Variants in RAP1GAP2 observed in about 807,000 individuals in gnomAD.
The protein encoded by RAP1GAP2 is RAP1 GTPase activating protein 2, also known as rap1 GTPase-activating protein 2.
RAP1GAP2 carries 27 observed loss-of-function variants against 95.0 expected under a neutral mutation model. The observed-to-expected ratio is 0.28, with a 90% CI of 0.21 to 0.39. The LOEUF (loss-of-function observed/expected upper bound fraction) is 0.39, where lower values mean the gene tolerates loss of function less well. Among genes scored for constraint, RAP1GAP2 ranks in the 10% least tolerant of loss-of-function variants. RAP1GAP2 has a pLI of 1.00. For missense variants in RAP1GAP2, 771 were observed against 970.0 expected, an observed-to-expected ratio of 0.79 and a Z score of 2.72; for synonymous variants, 373 against 380.9, an observed-to-expected ratio of 0.98 and a Z score of 0.24.
rs371273130 is a variant in RAP1GAP2 at position 2,930,056 on chromosome 17, T to A, written c.165+24688T>A. Among the ~76,000 whole-genome samples, 77 of 152,354 alleles carry A rather than the reference T, an allele frequency of 5.1e-4. 3 individuals are homozygous for A. The South Asian group carries it at 0.016, about 32-fold the overall frequency. ...TGCCTTGGGGCCATGGTGTGTCACC[T>A]GCCCTGTGTGGCTCTGAAAGGCTCC... On this transcript the variant is annotated intron_variant, in intron 3 of 24. Transcript: ENST00000254695.
intron 2 of RAP1GAP2, among the ~76,000 whole-genome samples, chr17:2,832,721 A>G (rs908112562): frequency 3.9e-5 from 6 of 151,976 alleles, no homozygotes; most frequent in Non-Finnish European, 8.8e-5. Flanking sequence ...TCACTCCTGT[A>G]ATCCCAGCAC....
Position 2,869,332 on chromosome 17 carries a change from A to G in RAP1GAP2, c.81-35952A>G, listed in dbSNP as rs549317508. ...AGAGAATTTTTGTTGAATGTGTACA[A>G]AGTTCCTGTTCGGGATGATGATAAA... On this transcript the variant is annotated intron_variant, in intron 2 of 24. Transcript: ENST00000254695. Among the ~76,000 whole-genome samples the G allele has an allele frequency of 1.1e-4, 17 of 152,034 alleles. No individual in the cohort carries two copies. In the South Asian group the frequency reaches 3.3e-3, roughly 30 times the overall value.
At chr17:2,890,434 G>T (rs1375509108) in intron 2 of RAP1GAP2, among the ~76,000 whole-genome samples, 1 of 152,148 alleles carries the variant, frequency 6.6e-6, no homozygotes, top group Non-Finnish European at 1.5e-5. Flanking sequence ...CACAGTCTTA[G>T]AGCGGAGTGG....
intron 2 of RAP1GAP2, among the ~76,000 whole-genome samples, chr17:2,828,011 G>A (rs1473552161): frequency 5.3e-5 from 8 of 152,206 alleles, no homozygotes; most frequent in East Asian, 1.9e-4. Flanking sequence ...GAGATGAGCC[G>A]AGCACTTGAC....
chr17:2,911,057 A>G, intron 3 of RAP1GAP2, among the ~76,000 whole-genome samples: 1 of 152,064 alleles, frequency 6.6e-6, no homozygotes, highest in East Asian at 1.9e-4. Context: ...GGCTCATCTC[A>G]TGCTTGCTCA....
chr17:2,870,897 A>G lies in RAP1GAP2; in HGVS notation c.81-34387A>G, dbSNP rs907859756. Among the ~76,000 whole-genome samples, 1 of 152,146 alleles carries G rather than the reference A, an allele frequency of 6.6e-6. No individual in the cohort carries two copies. The highest frequency in any genetic ancestry group is 2.4e-5 in the African/African-American group (1 of 41,438). On this transcript the variant is annotated intron_variant, in intron 2 of 24. Coordinates refer to ENST00000254695, the MANE Select transcript of RAP1GAP2 (RefSeq NM_015085.5). This position sits in a 1 kb window ranked among gnomAD's most constrained non-coding sequence, Gnocchi z 4.4. ...TCATTCTCTTGGGCCATCTGTCTCCATGATGTTGGATCCATGGTTGTAGAT... is the reference window on the plus strand; with the variant it reads ...TCATTCTCTTGGGCCATCTGTCTCCGTGATGTTGGATCCATGGTTGTAGAT...
At chr17:2,765,450 A>G (rs906350871) in intron 1 of RAP1GAP2, among the ~76,000 whole-genome samples, 4 of 152,004 alleles carry the variant, frequency 2.6e-5, no homozygotes, top group Non-Finnish European at 5.9e-5. Context: ...CCCTGTTTCT[A>G]AAAAACAGAG....
chr17:2,836,631 CAAAAA>C (rs917087950), intron 2 of RAP1GAP2, among the ~76,000 whole-genome samples: 5 of 147,328 alleles, frequency 3.4e-5, no homozygotes, highest in African/African-American at 1.2e-4. Context: ...GACTCAGTCT[CAAAAA>C]CAAAACAAAA....
chr17:2,900,728 C>T (rs1164879806), intron 2 of RAP1GAP2, among the ~76,000 whole-genome samples: 4 of 150,554 alleles, frequency 2.7e-5, no homozygotes, highest in Non-Finnish European at 5.9e-5. Flanking sequence ...AGGTGAGAGC[C>T]ACCTCTCCCA....
At chr17:3,025,669 C>T (rs960292716) in intron 19 of RAP1GAP2, among the ~76,000 whole-genome samples, 20 of 152,168 alleles carry the variant, frequency 1.3e-4, no homozygotes, top group Admixed American at 9.8e-4. Context: ...CCATTCCCCA[C>T]GGGGCCCTCT....
At chr17:2,816,276 A>C (rs891941515) in intron 2 of RAP1GAP2, among the ~76,000 whole-genome samples, 3 of 150,088 alleles carry the variant, frequency 2.0e-5, no homozygotes, top group Non-Finnish European at 4.4e-5. Flanking sequence ...CAAACCTCTG[A>C]GTACTCATGA....
chr17:2,976,041 A>G (rs2045104161), intron 8 of RAP1GAP2, among the ~76,000 whole-genome samples: 1 of 152,210 alleles, frequency 6.6e-6, no homozygotes, highest in Admixed American at 6.5e-5. Flanking sequence ...GGAATATCTA[A>G]CAGTCATTAA....
intron 2 of RAP1GAP2, among the ~76,000 whole-genome samples, chr17:2,899,326 C>G (rs979012966): frequency 6.6e-6 from 1 of 152,006 alleles, no homozygotes; most frequent in Admixed American, 6.5e-5. Context: ...CCTGCCTCAG[C>G]CTCTCGAGTA....
At chr17:2,792,845 C>T (rs368706682), upstream of RAP1GAP2, among the ~76,000 whole-genome samples, 76 of 152,364 alleles carry the variant, frequency 5.0e-4, no homozygotes, top group African/African-American at 1.6e-3. Context: ...ATGTCTGTGC[C>T]TGGGCCGGAG....
At chr17:2,994,749 A>G (rs541748309) in intron 12 of RAP1GAP2, among the ~76,000 whole-genome samples, 1 of 152,242 alleles carries the variant, frequency 6.6e-6, no homozygotes, top group Non-Finnish European at 1.5e-5. Flanking sequence ...CTTCCTTCCC[A>G]TATAACCAGC....
chr17:2,972,163 CTG>C (rs1042939258), intron 8 of RAP1GAP2, among the ~76,000 whole-genome samples: 1 of 152,198 alleles, frequency 6.6e-6, no homozygotes, highest in African/African-American at 2.4e-5. Context: ...AAACCGGTAA[CTG>C]TGGAAGAAAT....
At chr17:2,932,878 T>C (rs888160587) in intron 3 of RAP1GAP2, among the ~76,000 whole-genome samples, 1 of 146,912 alleles carries the variant, frequency 6.8e-6, no homozygotes, top group African/African-American at 2.5e-5. Flanking sequence ...GGGTTCCATG[T>C]CTGGTCTGTG....
intron 13 of RAP1GAP2, among the ~76,000 whole-genome samples, chr17:2,995,805 G>C (rs1000608286): frequency 6.6e-6 from 1 of 151,144 alleles, no homozygotes; most frequent in African/African-American, 2.5e-5. Flanking sequence ...ATCAGGGGCA[G>C]AGCCCAGGGC....
At chr17:2,915,655 C>T (rs1400921699) in intron 3 of RAP1GAP2, among the ~76,000 whole-genome samples, 1 of 152,194 alleles carries the variant, frequency 6.6e-6, no homozygotes, top group Non-Finnish European at 1.5e-5. Flanking sequence ...TTGCTTACCC[C>T]AGCTCACAAA....
Sources: gnomAD v4.1 joint callset for allele counts (sites outside exome capture counted in the v4.1 genomes callset) on GRCh38, gnomAD v4.1.1 for gene constraint, Gnocchi (gnomAD v3.1) non-coding constraint, MANE v1.5 for transcripts, NCBI Gene and HGNC (gene_info 2026-07-23, HGNC 2026-07-21) for gene names.